Variants in PDE1A observed in about 807,000 individuals in gnomAD.
The protein encoded by PDE1A is phosphodiesterase 1A.
In PDE1A, 35 loss-of-function variants were observed where a neutral mutation model predicts 61.7. That is an observed-to-expected ratio of 0.57 (90% CI 0.43 to 0.75). The LOEUF (loss-of-function observed/expected upper bound fraction) is 0.75, where lower values mean the gene tolerates loss of function less well. PDE1A is among the 30% of genes least tolerant of loss of function. The pLI is 0.00. For missense variants in PDE1A, 597 were observed against 630.6 expected (o/e 0.95, Z 0.57); for synonymous variants, 232 against 213.2 (o/e 1.09, Z -0.77).
chr2:182,313,707 C>T (rs1696144371), intron 1 of PDE1A, among the ~76,000 whole-genome samples: 1 of 152,186 alleles, frequency 6.6e-6, no homozygotes, highest in South Asian at 2.1e-4. Context: ...CTTCTACAAA[C>T]ACTTTAATTT....
At chr2:182,153,433 T>C (rs1414803698) in intron 13 of PDE1A, among the ~76,000 whole-genome samples, 3 of 152,216 alleles carry the variant, frequency 2.0e-5, no homozygotes, top group Admixed American at 6.5e-5. Flanking sequence ...AGAAAACTAC[T>C]GTGAGCTCCT....
chr2:182,286,241 A>G (rs1232328042), intron 1 of PDE1A, among the ~76,000 whole-genome samples: 1 of 152,080 alleles, frequency 6.6e-6, no homozygotes, highest in Non-Finnish European at 1.5e-5. Flanking sequence ...CTGATATCTA[A>G]CATTGTAAAT....
At chr2:182,461,688 A>G (rs1686298375) in intron 2 of PDE1A, among the ~76,000 whole-genome samples, 1 of 152,256 alleles carries the variant, frequency 6.6e-6, no homozygotes, top group Middle Eastern at 3.4e-3. Context: ...GACAGGAAAT[A>G]CGTAGGACCT....
chr2:182,546,916 G>A, the PDE1A span, among the ~76,000 whole-genome samples: 1 of 152,158 alleles, frequency 6.6e-6, no homozygotes, highest in Non-Finnish European at 1.5e-5. Flanking sequence ...TTATTAAAAA[G>A]TTCAATCATT....
intron 2 of PDE1A, among the ~76,000 whole-genome samples, chr2:182,483,523 C>G (rs879016985): frequency 6.6e-6 from 1 of 151,622 alleles, no homozygotes; most frequent in Non-Finnish European, 1.5e-5. Context: ...TCCACAAATA[C>G]ATAAAAAACA....
At chr2:182,668,102 CCTT>C in the PDE1A span, among the ~76,000 whole-genome samples, 63 of 152,280 alleles carry the variant, frequency 4.1e-4, no homozygotes, top group East Asian at 0.012. Context: ...GCTGCTCTGT[CCTT>C]CTCAGTATAG....
chr2:182,295,057 CTTTTTTTT>C (rs11420821), intron 1 of PDE1A, among the ~76,000 whole-genome samples: 13 of 59,370 alleles, frequency 2.2e-4, no homozygotes, highest in African/African-American at 1.9e-4. Flanking sequence ...AAAAGGTAAT[CTTTTTTTT>C]TTTTTTTTTT....
intron 1 of PDE1A, among the ~76,000 whole-genome samples, chr2:182,270,379 A>G (rs1357752337): frequency 6.6e-6 from 1 of 152,062 alleles, no homozygotes; most frequent in African/African-American, 2.4e-5. Flanking sequence ...TTTTATAACC[A>G]AGTACTCTGA....
chr2:182,407,287 A>G (rs1270137022), intron 1 of PDE1A, among the ~76,000 whole-genome samples: 4 of 152,222 alleles, frequency 2.6e-5, no homozygotes, highest in Non-Finnish European at 5.9e-5. Flanking sequence ...CATGTGTATT[A>G]TACTTGGTAA....
chr2:182,696,144 G>T, the PDE1A span, among the ~76,000 whole-genome samples: 1 of 152,120 alleles, frequency 6.6e-6, no homozygotes, highest in African/African-American at 2.4e-5. Flanking sequence ...ACTTATGTCC[G>T]CACAAAAACC....
the PDE1A span, among the ~76,000 whole-genome samples, chr2:182,682,332 T>C: frequency 6.6e-6 from 1 of 152,144 alleles, no homozygotes; most frequent in Non-Finnish European, 1.5e-5. Context: ...GGGGTTTATA[T>C]AGCAGGGAAG....
intron 2 of PDE1A, among the ~76,000 whole-genome samples, chr2:182,472,592 T>C (rs1464727855): frequency 6.6e-6 from 1 of 151,424 alleles, no homozygotes; most frequent in Non-Finnish European, 1.5e-5. Flanking sequence ...TGATGGGAGG[T>C]TGCTTGGTGG....
At chr2:182,463,820 A>G (rs201882228) in intron 2 of PDE1A, among the ~76,000 whole-genome samples, 4 of 152,206 alleles carry the variant, frequency 2.6e-5, no homozygotes, top group East Asian at 1.9e-4. Flanking sequence ...GTTAATTTTC[A>G]AAATCATAGA....
the PDE1A span, among the ~76,000 whole-genome samples, chr2:182,696,304 C>T: frequency 6.6e-6 from 1 of 152,056 alleles, no homozygotes; most frequent in African/African-American, 2.4e-5. Context: ...AATTATCAAG[C>T]CATGAAAAGA....
chr2:182,383,155 A>G (rs778506632), intron 1 of PDE1A, among the ~76,000 whole-genome samples: 11 of 152,282 alleles, frequency 7.2e-5, no homozygotes, highest in East Asian at 1.9e-4. Context: ...CTAGTAACCT[A>G]TTCCTCACTG....
the PDE1A span, among the ~76,000 whole-genome samples, chr2:182,535,287 G>A: frequency 6.6e-6 from 1 of 151,948 alleles, no homozygotes. Flanking sequence ...TATAGATGAG[G>A]AATAGTGAAC....
At chr2:182,406,421 G>T (rs1430919158) in intron 1 of PDE1A, among the ~76,000 whole-genome samples, 1 of 151,720 alleles carries the variant, frequency 6.6e-6, no homozygotes, top group Non-Finnish European at 1.5e-5. Context: ...GACCAAGCAT[G>T]ACACATTTTA....
chr2:182,291,828 GATTTA>G (rs1349244113), intron 1 of PDE1A, among the ~76,000 whole-genome samples: 1 of 152,040 alleles, frequency 6.6e-6, no homozygotes, highest in Non-Finnish European at 1.5e-5. Context: ...CTATTCATAG[GATTTA>G]AATTCTGACA....
At chr2:182,616,425 A>C in the PDE1A span, among the ~76,000 whole-genome samples, 1 of 152,268 alleles carries the variant, frequency 6.6e-6, no homozygotes, top group Non-Finnish European at 1.5e-5. Flanking sequence ...AGGTTACTTC[A>C]GATGGAAGAT....
Sources: allele counts gnomAD v4.1 joint callset (sites outside exome capture counted in the v4.1 genomes callset), GRCh38; gene constraint gnomAD v4.1.1; transcripts MANE v1.5; gene names NCBI Gene and HGNC (gene_info 2026-07-23, HGNC 2026-07-21).